Variants in EIF3A observed in about 807,000 individuals in gnomAD.
EIF3A encodes eukaryotic translation initiation factor 3 subunit A.
In EIF3A, 21 loss-of-function variants were observed where a neutral mutation model predicts 186.6. That is an observed-to-expected ratio of 0.11 (90% CI 0.08 to 0.16). The LOEUF is 0.16. EIF3A is among the 10% of genes least tolerant of loss of function. EIF3A has a pLI of 1.00. For missense variants in EIF3A, 1,306 were observed against 1,796.3 expected, an observed-to-expected ratio of 0.73 and a Z score of 4.93; for synonymous variants, 563 against 584.3, an observed-to-expected ratio of 0.96 and a Z score of 0.52.
chr10:119,046,167 T>C (rs1848280739), intron 17 of EIF3A, among the ~76,000 whole-genome samples: 1 of 152,176 alleles, frequency 6.6e-6, no homozygotes, highest in Non-Finnish European at 1.5e-5. Context: ...TTTAACTTCC[T>C]TTACCGCAAG....
intron 3 of EIF3A, 144 bp downstream of exon 3, chr10:119,073,297 A>G: frequency 1.4e-6 from 1 of 709,988 alleles, no homozygotes; most frequent in Non-Finnish European, 2.3e-6. Context: ...ACCTACATAA[A>G]TTAACTGGTT....
chr10:119,060,270 TG>T (rs760824969), intron 9 of EIF3A: 2 of 427,568 alleles, frequency 4.7e-6, no homozygotes, highest in Non-Finnish European at 8.9e-6. Context: ...TCACTCATGG[TG>T]GGGGGTCTAT....
chr10:119,048,297 A>C (rs1303482123), intron 17 of EIF3A, among the ~76,000 whole-genome samples: 2 of 152,178 alleles, frequency 1.3e-5, no homozygotes, highest in African/African-American at 4.8e-5. Flanking sequence ...AAGTAGACCA[A>C]CAAGTATTGC....
intron 1 of EIF3A, among the ~76,000 whole-genome samples, chr10:119,080,206 C>T (rs944858435): frequency 6.6e-6 from 1 of 152,168 alleles, no homozygotes; most frequent in African/African-American, 2.4e-5. Context: ...GTGCATTGTC[C>T]CCGGGAGGGA....
chr10:119,065,851 T>A (rs182636475), intron 6 of EIF3A, among the ~76,000 whole-genome samples: 12 of 152,236 alleles, frequency 7.9e-5, no homozygotes, highest in Non-Finnish European at 1.3e-4. Context: ...GCGCGGTGGC[T>A]CACGCCTGTA....
intron 17 of EIF3A, among the ~76,000 whole-genome samples, chr10:119,044,522 G>A (rs1848256262): frequency 6.6e-6 from 1 of 152,188 alleles, no homozygotes; most frequent in South Asian, 2.1e-4. Flanking sequence ...TGTCTAATGG[G>A]GGTGGTTAAA....
chr10:119,058,802 G>C (rs1445129919), intron 11 of EIF3A, among the ~76,000 whole-genome samples: 1 of 152,184 alleles, frequency 6.6e-6, no homozygotes, highest in African/African-American at 2.4e-5. Context: ...AGAATTGCTT[G>C]AACCCAGGAG....
intron 19 of EIF3A, among the ~76,000 whole-genome samples, chr10:119,040,393 T>C (rs917898471): frequency 2.6e-5 from 4 of 152,138 alleles, no homozygotes; most frequent in African/African-American, 7.2e-5. Context: ...CTCAGACAGT[T>C]AGATGGACAG....
chr10:119,065,926 C>T (rs192219223), intron 6 of EIF3A, among the ~76,000 whole-genome samples: 91 of 151,448 alleles, frequency 6.0e-4, no homozygotes, highest in African/African-American at 1.9e-3. Flanking sequence ...ACCATCCTGG[C>T]TAACACGGTG....
chr10:119,057,907 C>A lies in EIF3A; in HGVS notation c.1977+49G>T, dbSNP rs746155247. ...GTAAAGGACTGTGGTTCTAAGAGTA[C>A]AAAATACCTGGATAAAACTAATTTT... On this transcript the variant is annotated intron_variant, in intron 12 of 21. Transcript: ENST00000369144. The A allele has an allele frequency of 3.4e-6, 5 of 1,471,434 alleles. No homozygotes were observed. In the South Asian group the frequency reaches 6.3e-5, roughly 18 times the overall value. The allele number at this position is 1,471,434 out of a possible 1,614,324, so 91.1% of individuals were successfully genotyped here.
intron 19 of EIF3A, among the ~76,000 whole-genome samples, chr10:119,040,729 G>A (rs759887389): frequency 2.5e-4 from 38 of 151,930 alleles, no homozygotes; most frequent in Middle Eastern, 3.4e-3. Flanking sequence ...AAAAATGGCC[G>A]GGCGTGGTGG....
intron 17 of EIF3A, among the ~76,000 whole-genome samples, chr10:119,046,826 A>C (rs772844748): frequency 1.6e-4 from 25 of 152,048 alleles, no homozygotes; most frequent in Non-Finnish European, 3.2e-4. Context: ...GCATGGTGGC[A>C]CATGCCTGTA....
chr10:119,071,856 T>G (rs1392732102), intron 4 of EIF3A, among the ~76,000 whole-genome samples: 1 of 151,044 alleles, frequency 6.6e-6, no homozygotes, highest in Admixed American at 6.6e-5. Context: ...AAACCCCATC[T>G]CTACTAAAAA....
chr10:119,057,909 A>C, intron 12 of EIF3A, 47 bp downstream of exon 12: 1 of 1,481,744 alleles, frequency 6.7e-7, no homozygotes, highest in Non-Finnish European at 9.2e-7. Context: ...TAAGAGTACA[A>C]AATACCTGGA....
intron 14 of EIF3A, among the ~76,000 whole-genome samples, chr10:119,052,115 G>A (rs138094888): frequency 6.6e-5 from 10 of 152,220 alleles, no homozygotes; most frequent in South Asian, 4.2e-4. Context: ...ACTGGTTGAC[G>A]GTTTTTAACT....
At chr10:119,060,939 C>T in intron 8 of EIF3A, 95 bp from the exon 9 acceptor site, 1 of 816,418 alleles carries the variant, frequency 1.2e-6, no homozygotes, top group Non-Finnish European at 1.9e-6. Flanking sequence ...ACAAAAACAT[C>T]ATCCAATGCA....
chr10:119,039,224 A>G (rs1848176083), intron 19 of EIF3A, among the ~76,000 whole-genome samples: 1 of 152,002 alleles, frequency 6.6e-6, no homozygotes, highest in Non-Finnish European at 1.5e-5. Flanking sequence ...TTATCTAGTC[A>G]TTAATCATGA....
chr10:119,042,417 C>T lies in EIF3A; in HGVS notation c.3103G>A (p.Asp1035Asn). 6.2e-7 allele frequency: 1 copy of T among 1,614,184 alleles called. No individual in the cohort carries two copies. The highest frequency in any genetic ancestry group is 2.2e-5 in the East Asian group (1 of 44,886). ...DRGSWRTADE[D>N]RGPRRGMDDD... ...TCCATCCCACGTCTTGGTCCTCTGT[C>T]CTCATCAGCTGTTCGCCAGCTTCCT... Residue 1035 changes from aspartate to asparagine, a missense_variant, in exon 19 of 22, where the codon GAC becomes AAC. Around this residue, in one of 8 missense-constraint regions of EIF3A, gnomAD observed 410 missense variants for 473.5 expected, o/e 0.87. Coordinates refer to ENST00000369144, the MANE Select transcript of EIF3A (RefSeq NM_003750.4). This position sits in a 1 kb window ranked among gnomAD's most constrained non-coding sequence, Gnocchi z 7.8.
At chr10:119,036,458 C>CAT (rs1161895231) in intron 21 of EIF3A, among the ~76,000 whole-genome samples, 190 bp from the exon 22 acceptor site, 1 of 152,014 alleles carries the variant, frequency 6.6e-6, no homozygotes, top group Admixed American at 6.6e-5. Flanking sequence ...CAATCTTTAA[C>CAT]ATACAAATGT....
Sources: gnomAD v4.1 joint callset for allele counts (sites outside exome capture counted in the v4.1 genomes callset) on GRCh38, gnomAD v4.1.1 for gene constraint, gnomAD v4.1.1 regional missense constraint, Gnocchi (gnomAD v3.1) non-coding constraint, MANE v1.5 for transcripts, NCBI Gene and HGNC (gene_info 2026-07-23, HGNC 2026-07-21) for gene names.